The following CTNND2 variants were observed in gnomAD, a reference collection of about 807,000 sequenced individuals.
The protein encoded by CTNND2 is catenin delta-2.
Under a neutral mutation model 144.4 loss-of-function variants are expected in CTNND2, and 22 were observed. The observed-to-expected ratio is 0.15, with a 90% CI of 0.11 to 0.22. The LOEUF is 0.22. Ranked by LOEUF, CTNND2 falls within the 10% of genes least tolerant of loss-of-function variation. The pLI, the probability that CTNND2 is intolerant of heterozygous loss-of-function variation, is 1.00. For missense variants in CTNND2, 1,353 were observed against 1,618.8 expected, an observed-to-expected ratio of 0.84 and a Z score of 2.82; for synonymous variants, 751 against 695.6, an observed-to-expected ratio of 1.08 and a Z score of -1.25.
chr5:11,084,839 G>A (rs1433200413), intron 15 of CTNND2, among the ~76,000 whole-genome samples: 1 of 152,080 alleles, frequency 6.6e-6, no homozygotes, highest in African/African-American at 2.4e-5. Flanking sequence ...CTGCCCACAG[G>A]AGACACCTGT....
chr5:11,090,806 C>CTT (rs11415309), intron 15 of CTNND2, among the ~76,000 whole-genome samples: 18 of 147,524 alleles, frequency 1.2e-4, no homozygotes, highest in Admixed American at 2.7e-4. Context: ...CCTTTTTTTT[C>CTT]TTTTTTTTTT....
intron 1 of CTNND2, among the ~76,000 whole-genome samples, chr5:11,784,732 C>A (rs775714779): frequency 6.6e-6 from 1 of 152,106 alleles, no homozygotes; most frequent in Non-Finnish European, 1.5e-5. Context: ...AGAAGCAAAC[C>A]CCATGAATTC....
chr5:11,099,736 G>A (rs1449652652), intron 14 of CTNND2, among the ~76,000 whole-genome samples: 1 of 151,872 alleles, frequency 6.6e-6, no homozygotes, highest in East Asian at 1.9e-4. Context: ...TTACACAAAG[G>A]CTTTGTCTTT....
chr5:11,553,662 C>A (rs182971936), intron 3 of CTNND2, among the ~76,000 whole-genome samples: 203 of 152,168 alleles, frequency 1.3e-3, no homozygotes, highest in Non-Finnish European at 2.0e-3. Flanking sequence ...TATGGAATTA[C>A]AAACTCCATG....
chr5:11,299,197 G>T (rs1403568473), intron 9 of CTNND2, among the ~76,000 whole-genome samples: 1 of 152,052 alleles, frequency 6.6e-6, no homozygotes, highest in Non-Finnish European at 1.5e-5. Context: ...GCTGTTCTTT[G>T]GTTTTGGACT....
chr5:11,660,221 T>G (rs1287219556), intron 2 of CTNND2, among the ~76,000 whole-genome samples: 4 of 151,892 alleles, frequency 2.6e-5, no homozygotes, highest in Admixed American at 2.0e-4. Flanking sequence ...CACAAGGCCA[T>G]GAAAAAGGAT....
At chr5:11,867,626 A>G (rs182048695) in intron 1 of CTNND2, among the ~76,000 whole-genome samples, 2 of 146,782 alleles carry the variant, frequency 1.4e-5, no homozygotes, top group Admixed American at 6.9e-5. Flanking sequence ...AGTTATAGAT[A>G]CTGAGACCAT....
chr5:11,194,400 A>G (rs1451198456), intron 11 of CTNND2, among the ~76,000 whole-genome samples: 1 of 152,200 alleles, frequency 6.6e-6, no homozygotes, highest in African/African-American at 2.4e-5. Context: ...AACAAACAAA[A>G]TAAACAACTC....
chr5:11,732,421 T>C (rs890750212), intron 1 of CTNND2, 149 bp from the exon 2 acceptor site: 2 of 638,566 alleles, frequency 3.1e-6, no homozygotes, highest in African/African-American at 3.7e-5. Flanking sequence ...ACGGGAGTAA[T>C]ACAGTAAAGT....
At chr5:11,380,078 C>A (rs1328630498) in intron 7 of CTNND2, among the ~76,000 whole-genome samples, 1 of 152,174 alleles carries the variant, frequency 6.6e-6, no homozygotes, top group Non-Finnish European at 1.5e-5. Flanking sequence ...AGGAAGCATG[C>A]CAGGTGCACA....
intron 9 of CTNND2, among the ~76,000 whole-genome samples, chr5:11,251,366 C>T (rs1043472908): frequency 6.6e-6 from 1 of 152,182 alleles, no homozygotes; most frequent in Admixed American, 6.5e-5. Flanking sequence ...TGGAAGCAGA[C>T]AATGCCATCT....
chr5:11,731,657 C>T (rs751045201), intron 2 of CTNND2, among the ~76,000 whole-genome samples: 1 of 152,014 alleles, frequency 6.6e-6, no homozygotes, highest in Non-Finnish European at 1.5e-5. Flanking sequence ...TTCATTAGTT[C>T]GAGAAGGAAA....
chr5:11,551,432 CTTTTTT>C (rs70949326), intron 3 of CTNND2, among the ~76,000 whole-genome samples: 25,563 of 100,136 alleles, frequency 0.26, 1,482 homozygotes, highest in African/African-American at 0.38. Flanking sequence ...TTTCTTTTTT[CTTTTTT>C]TTTTTTTTTT....
chr5:11,491,375 T>C (rs1293420751), intron 3 of CTNND2, among the ~76,000 whole-genome samples: 2 of 152,178 alleles, frequency 1.3e-5, no homozygotes, highest in Non-Finnish European at 2.9e-5. Flanking sequence ...CTTTCTTTTT[T>C]CCCATGTGTT....
intron 2 of CTNND2, among the ~76,000 whole-genome samples, chr5:11,700,153 C>A (rs151017577): frequency 6.7e-4 from 102 of 152,110 alleles, no homozygotes; most frequent in Middle Eastern, 3.4e-3. Flanking sequence ...TTTGGGAGAC[C>A]CAAGAGGGCA....
At chr5:11,064,376 A>G (rs981689548) in intron 16 of CTNND2, among the ~76,000 whole-genome samples, 1 of 152,150 alleles carries the variant, frequency 6.6e-6, no homozygotes, top group African/African-American at 2.4e-5. Flanking sequence ...ACTAGATAAC[A>G]ATCATATAGA....
chr5:11,585,145 T>C (rs564962861), intron 2 of CTNND2, among the ~76,000 whole-genome samples: 1 of 152,234 alleles, frequency 6.6e-6, no homozygotes, highest in East Asian at 1.9e-4. Flanking sequence ...GAGACCACCC[T>C]GTTTAAGGTT....
chr5:11,705,430 C>G (rs536054623), intron 2 of CTNND2, among the ~76,000 whole-genome samples: 1 of 152,224 alleles, frequency 6.6e-6, no homozygotes, highest in Admixed American at 6.5e-5. Context: ...ATTCAATAAA[C>G]TGCAAAACAG....
intron 2 of CTNND2, among the ~76,000 whole-genome samples, chr5:11,568,262 C>T (rs1268227073): frequency 6.6e-6 from 1 of 152,162 alleles, no homozygotes; most frequent in Non-Finnish European, 1.5e-5. Flanking sequence ...GGCACCTTGC[C>T]TTTCTGATAT....
Sources: allele counts gnomAD v4.1 joint callset (sites outside exome capture counted in the v4.1 genomes callset), GRCh38; gene constraint gnomAD v4.1.1; transcripts MANE v1.5; gene names NCBI Gene and HGNC (gene_info 2026-07-23, HGNC 2026-07-21).